The following CDH15 variants were observed in gnomAD, a reference collection of about 807,000 sequenced individuals.
The protein encoded by CDH15 is cadherin-15.
A neutral mutation model predicts 69.4 loss-of-function variants in CDH15; 73 were observed. The ratio of observed to expected loss-of-function variants is 1.05; its 90% CI spans 0.87 to 1.28. The LOEUF (loss-of-function observed/expected upper bound fraction) is 1.28. Among genes scored for constraint, CDH15 ranks in the 50% most tolerant of loss-of-function variants. The probability of loss-of-function intolerance (pLI) is 0.00; values close to 1 mark genes in which losing one functional copy is unlikely to be tolerated. For missense variants in CDH15, 1,343 were observed against 1,133.6 expected, an observed-to-expected ratio of 1.18 and a Z score of -2.65; for synonymous variants, 624 against 507.7, an observed-to-expected ratio of 1.23 and a Z score of -3.08.
chr16:89,176,509 G>T (rs974786578), intron 1 of CDH15, among the ~76,000 whole-genome samples: 24 of 152,180 alleles, frequency 1.6e-4, no homozygotes, highest in African/African-American at 5.5e-4. Context: ...TCCCACGCAG[G>T]GTCCCGCTCA....
At chr16:89,188,031 G>T (rs1375623009) in intron 6 of CDH15, 69 bp from the exon 7 acceptor site, 8 of 1,405,048 alleles carry the variant, frequency 5.7e-6, no homozygotes, top group Non-Finnish European at 7.8e-6. Flanking sequence ...TGGGCTGAGG[G>T]CCCTGAGGGC....
At chr16:89,190,071 A>G (rs1384991328) in intron 7 of CDH15, among the ~76,000 whole-genome samples, 172 bp from the exon 8 acceptor site, 1 of 152,232 alleles carries the variant, frequency 6.6e-6, no homozygotes, top group Admixed American at 6.5e-5. Flanking sequence ...CATTTTAATA[A>G]TATTCTTTGT....
chr16:89,191,964 C>CG (rs966665279), intron 10 of CDH15, 70 bp downstream of exon 10: 4 of 1,434,080 alleles, frequency 2.8e-6, no homozygotes, highest in Admixed American at 2.0e-5. Flanking sequence ...CGGCCTCGGA[C>CG]GGGGGCAGGA....
At chr16:89,185,099 C>T (rs1263934083) in intron 4 of CDH15, 74 bp from the exon 5 acceptor site, 3 of 1,411,858 alleles carry the variant, frequency 2.1e-6, no homozygotes, top group Non-Finnish European at 2.9e-6. Context: ...ACGAGGTGCC[C>T]CCACGCCCCT....
At chr16:89,190,932 C>A (rs1222949832) in intron 8 of CDH15, among the ~76,000 whole-genome samples, 1 of 152,162 alleles carries the variant, frequency 6.6e-6, no homozygotes, top group East Asian at 1.9e-4. Context: ...GCCTCAGTTT[C>A]CTCACCTCAC....
At position 89,193,604 on chromosome 16, in the gene CDH15, C is replaced by G. The variant is rs773101774; in HGVS notation, c.1990C>G (p.Gln664Glu). The change falls in exon 12 of 14, where the codon CAG becomes GAG. Residue 664 changes from glutamine to glutamate, a missense_variant and splice_region_variant. Coordinates refer to ENST00000289746, the MANE Select transcript of CDH15 (RefSeq NM_004933.3). Reference protein sequence around the residue: ...YDEQGGGEEDQDAYDISQLRH... With the variant: ...YDEQGGGEEDEDAYDISQLRH... ...TGAGCAAGGAGGCGGGGAGGAGGAC[C>G]AGGTGAGGGGGCAGGTGTGGGTGGG... 8 of 1,592,856 alleles carry G rather than the reference C, an allele frequency of 5.0e-6. No homozygotes were observed.
At chr16:89,188,823 TGCCCACGCACAGGTGCCCACACACAGA>T (rs1915561852) in intron 7 of CDH15, among the ~76,000 whole-genome samples, 3 of 62,492 alleles carry the variant, frequency 4.8e-5, no homozygotes, top group African/African-American at 2.2e-4. Context: ...GGCACACAGA[TGCCCACGCACAGGTGCCCACACACAGA>T]TGCCCACGCA....
intron 9 of CDH15, 82 bp from the exon 10 acceptor site, chr16:89,191,573 A>C: frequency 6.3e-7 from 1 of 1,578,914 alleles, no homozygotes; most frequent in South Asian, 1.1e-5. Flanking sequence ...CCGGGGGCTC[A>C]GAGCTGCGCA....
intron 13 of CDH15, among the ~76,000 whole-genome samples, chr16:89,194,424 G>C (rs999703040): frequency 1.4e-4 from 21 of 152,230 alleles, no homozygotes; most frequent in African/African-American, 5.1e-4. Flanking sequence ...TACACCCCCG[G>C]TTAGGAGCGT....
At chr16:89,179,621 C>T (rs746369868) in intron 2 of CDH15, 47 bp downstream of exon 2, 1 of 1,503,270 alleles carries the variant, frequency 6.7e-7, no homozygotes, top group Non-Finnish European at 8.9e-7. Flanking sequence ...TAGGCTGGTC[C>T]CCAGTGGGCC....
At chr16:89,178,078 A>T (rs1351017970) in intron 1 of CDH15, among the ~76,000 whole-genome samples, 3 of 152,332 alleles carry the variant, frequency 2.0e-5, no homozygotes, top group Non-Finnish European at 2.9e-5. Flanking sequence ...TGGGGTCACT[A>T]CGAGTGCCCC....
chr16:89,176,863 GACCCCCA>G lies in CDH15; in HGVS notation c.43-2552_43-2546del, dbSNP rs1456285099. On this transcript the variant is annotated intron_variant, in intron 1 of 13. Transcript: ENST00000289746. ...CCCAGACTCCCCATCGCCTGCCTGGGACCCCCAGCACCTCCCACCCGTCCCCCTGCCC... is the reference window on the plus strand; with the variant it reads ...CCCAGACTCCCCATCGCCTGCCTGGGGCACCTCCCACCCGTCCCCCTGCCC... Among the ~76,000 whole-genome samples the G allele has an allele frequency of 7.7e-3, 1,173 of 152,298 alleles. 18 individuals carry two copies. The highest frequency in any genetic ancestry group is 0.026 in the African/African-American group (1,092 of 41,566).
At chr16:89,178,789 T>C (rs1313622334) in intron 1 of CDH15, among the ~76,000 whole-genome samples, 1 of 152,172 alleles carries the variant, frequency 6.6e-6, no homozygotes, top group Non-Finnish European at 1.5e-5. Context: ...CGGGGTTCAG[T>C]TCCCACAAAG....
At chr16:89,176,106 C>T (rs1031066242) in intron 1 of CDH15, among the ~76,000 whole-genome samples, 4 of 152,268 alleles carry the variant, frequency 2.6e-5, no homozygotes, top group African/African-American at 9.6e-5. Context: ...GAGGCCAAGC[C>T]TAATGGGGGT....
chr16:89,190,555 G>C (rs911168128), intron 8 of CDH15, 59 bp downstream of exon 8: 2 of 1,548,656 alleles, frequency 1.3e-6, no homozygotes, highest in African/African-American at 1.4e-5. Flanking sequence ...TTCCTGCTTC[G>C]GGTGCCCCTG....
intron 1 of CDH15, among the ~76,000 whole-genome samples, chr16:89,177,909 A>T (rs2151598364): frequency 6.6e-6 from 1 of 152,104 alleles, no homozygotes; most frequent in East Asian, 1.9e-4. Flanking sequence ...TCCCAAGCAC[A>T]GGTGTCCTGG....
chr16:89,193,485 T>A lies in CDH15; in HGVS notation c.1871T>A (p.Val624Glu). ...ALLLLVLVLL[V>E]ALRARFWKQS... ...CATTCCCCAGTGCTGGTCCTGCTCG[T>A]GGCACTCCGGGCGCGGTTCTGGAAG... Residue 624 changes from valine to glutamate, a missense_variant, in exon 12 of 14, where the codon GTG becomes GAG. Transcript: ENST00000289746. 3 of 1,611,014 alleles carry A rather than the reference T, an allele frequency of 1.9e-6. No homozygotes were observed. The highest frequency in any genetic ancestry group is 2.5e-6 in the Non-Finnish European group (3 of 1,179,452).
intron 3 of CDH15, among the ~76,000 whole-genome samples, chr16:89,182,087 C>T (rs1233347984): frequency 8.8e-5 from 11 of 125,350 alleles, no homozygotes; most frequent in African/African-American, 8.5e-5. Context: ...GCCTGCCCTC[C>T]CCCAGCCTCC....
intron 13 of CDH15, 80 bp downstream of exon 13, chr16:89,193,993 T>C (rs542149267): frequency 2.0e-6 from 3 of 1,490,596 alleles, no homozygotes; most frequent in East Asian, 2.3e-5. Flanking sequence ...CACCTGCACA[T>C]GCATGCAAGA....
Sources: gnomAD v4.1 joint callset for allele counts (sites outside exome capture counted in the v4.1 genomes callset) on GRCh38, gnomAD v4.1.1 for gene constraint, MANE v1.5 for transcripts, NCBI Gene and HGNC (gene_info 2026-07-23, HGNC 2026-07-21) for gene names.